WDR49: variants seen among roughly 807,000 people sequenced by gnomAD.
WDR49 encodes the protein WD repeat domain 49, also known as cilia- and flagella-associated protein 337.
WDR49 carries 107 observed loss-of-function variants against 119.5 expected under a neutral mutation model. The ratio of observed to expected loss-of-function variants is 0.90; its 90% confidence interval spans 0.77 to 1.05. The LOEUF is 1.05. Among genes scored for constraint, WDR49 ranks in the 50% least tolerant of loss-of-function variants. The probability of loss-of-function intolerance (pLI) is 0.00; values close to 1 mark genes in which losing one functional copy is unlikely to be tolerated. For synonymous variants in WDR49, 425 were observed against 418.8 expected (o/e 1.01, Z -0.18); for missense variants, 1,240 against 1,220.5 (o/e 1.02, Z -0.24).
At chr3:167,622,626 A>G (rs2108323335) in intron 3 of WDR49, among the ~76,000 whole-genome samples, 1 of 152,248 alleles carries the variant, frequency 6.6e-6, no homozygotes, top group South Asian at 2.1e-4. Flanking sequence ...ACAGTGGGAT[A>G]TTTCAATACT....
At chr3:167,551,386 C>T (rs921700387) in intron 10 of WDR49, among the ~76,000 whole-genome samples, 3 of 151,996 alleles carry the variant, frequency 2.0e-5, no homozygotes, top group Non-Finnish European at 2.9e-5. Flanking sequence ...TGTTAAGTTG[C>T]TACCACATGT....
intron 10 of WDR49, among the ~76,000 whole-genome samples, chr3:167,552,409 A>G (rs1401685732): frequency 1.3e-5 from 2 of 152,068 alleles, no homozygotes; most frequent in Non-Finnish European, 2.9e-5. Context: ...TTATACTAAT[A>G]CTGTTGTACA....
intron 2 of WDR49, among the ~76,000 whole-genome samples, chr3:167,643,327 T>C (rs1014784805): frequency 4.6e-5 from 7 of 152,064 alleles, no homozygotes. Context: ...TTTCCAAAAA[T>C]GGTGAAGATG....
rs776364447 is a variant in WDR49 at position 167,497,756 on chromosome 3, C to G, written c.3031+2397G>C. Among the ~76,000 whole-genome samples, 2 of 152,096 alleles carry G rather than the reference C, an allele frequency of 1.3e-5. 1 individual carries two copies. The highest frequency in any genetic ancestry group is 1.3e-4 in the Admixed American group (2 of 15,270). The stretch of plus-strand genomic sequence containing the variant: ...TCTTGGTTTCCTCCTGAATGCCTAC[C>G]CTGTATCTGGACTATCTTTACAACT... On this transcript the variant is annotated intron_variant, in intron 18 of 18. Transcript: ENST00000682715.
At chr3:167,522,001 G>GATAT (rs1560266161) in intron 16 of WDR49, among the ~76,000 whole-genome samples, 1 of 147,232 alleles carries the variant, frequency 6.8e-6, no homozygotes, top group Admixed American at 7.1e-5. Flanking sequence ...TAGATAGATA[G>GATAT]ATAGATAGAT....
intron 18 of WDR49, among the ~76,000 whole-genome samples, chr3:167,491,822 T>C (rs1277735972): frequency 6.6e-6 from 1 of 152,042 alleles, no homozygotes; most frequent in African/African-American, 2.4e-5. Context: ...GGGAGCAACT[T>C]GAAAGCTAAA....
chr3:167,551,734 T>C (rs1261668040), intron 10 of WDR49, among the ~76,000 whole-genome samples: 1 of 152,018 alleles, frequency 6.6e-6, no homozygotes, highest in Admixed American at 6.6e-5. Flanking sequence ...TGCCTCTCAC[T>C]AAGAATGTGA....
Position 167,529,296 on chromosome 3 carries a change from C to T in WDR49, c.2219-57G>A. On this transcript the variant is annotated intron_variant, in intron 13 of 18. Coordinates refer to ENST00000682715, the MANE Select transcript of WDR49 (RefSeq NM_001366157.1). ...ACTGAACAACAAATGCCAGAAATAACTTCTTCAGTGGCTTTCCCTGTGGAA... is the reference window on the plus strand; with the variant it reads ...ACTGAACAACAAATGCCAGAAATAATTTCTTCAGTGGCTTTCCCTGTGGAA... 3 of 1,471,244 alleles carry T rather than the reference C, an allele frequency of 2.0e-6. No individual in the cohort carries two copies. In the South Asian group the frequency reaches 4.3e-5, roughly 21 times the overall value. 91.1% of individuals were successfully genotyped at this position (1,471,244 alleles called of 1,614,324 possible).
At chr3:167,523,840 G>T (rs1362311026) in intron 15 of WDR49, among the ~76,000 whole-genome samples, 3 of 152,094 alleles carry the variant, frequency 2.0e-5, no homozygotes, top group Non-Finnish European at 4.4e-5. Flanking sequence ...ATTGTAAATA[G>T]TGCTGCAAAA....
At chr3:167,602,793 C>T (rs763331526) in intron 6 of WDR49, among the ~76,000 whole-genome samples, 13 of 152,104 alleles carry the variant, frequency 8.5e-5, no homozygotes, top group African/African-American at 2.7e-4. Flanking sequence ...ACAGCATATA[C>T]GAATATGGTC....
chr3:167,499,522 A>T (rs1299307055), intron 18 of WDR49, among the ~76,000 whole-genome samples: 2 of 152,154 alleles, frequency 1.3e-5, no homozygotes, highest in Non-Finnish European at 2.9e-5. Context: ...CTGTTCTTTC[A>T]CAGGACCCCT....
chr3:167,545,344 G>T (rs1175278038), intron 10 of WDR49, among the ~76,000 whole-genome samples: 4 of 151,058 alleles, frequency 2.6e-5, no homozygotes, highest in African/African-American at 9.7e-5. Context: ...CCCACTATGG[G>T]GTATCTCCCC....
chr3:167,554,641 C>A lies in WDR49; in HGVS notation c.1823+9G>T, dbSNP rs1249896671. On this transcript the variant is annotated intron_variant, in intron 10 of 18. Coordinates refer to ENST00000682715, the MANE Select transcript of WDR49 (RefSeq NM_001366157.1). ...ATTTTGATTAAAATAAAAACATTCTCCTTTTTACCTTCCTATAGTTTTCCA... is the reference window on the plus strand; with the variant it reads ...ATTTTGATTAAAATAAAAACATTCTACTTTTTACCTTCCTATAGTTTTCCA... The A allele has an allele frequency of 7.0e-7, 1 of 1,434,024 alleles. No individual in the cohort carries two copies. Among genetic ancestry groups the A allele is most frequent in the East Asian group, 2.3e-5 (1 of 43,346 alleles). 88.8% of individuals were successfully genotyped at this position (1,434,024 alleles called of 1,614,324 possible). A position where few individuals can be genotyped will look rare whatever the true frequency, so the allele number is the denominator to read the frequency against.
At chr3:167,631,525 G>T (rs897793757) in intron 2 of WDR49, among the ~76,000 whole-genome samples, 3 of 152,002 alleles carry the variant, frequency 2.0e-5, no homozygotes, top group African/African-American at 4.8e-5. Context: ...AGGCAAATTT[G>T]CAAGTATAAA....
At chr3:167,559,960 G>T in intron 9 of WDR49, 104 bp downstream of exon 9, 1 of 1,241,700 alleles carries the variant, frequency 8.1e-7, no homozygotes. Context: ...TTCTCTTCTT[G>T]CAATACCAAA....
intron 14 of WDR49, among the ~76,000 whole-genome samples, chr3:167,528,258 G>T (rs1752707127): frequency 6.6e-6 from 1 of 151,678 alleles, no homozygotes; most frequent in South Asian, 2.1e-4. Flanking sequence ...AGGAAGGAAA[G>T]AAAAATATAA....
Position 167,621,459 on chromosome 3 carries a change from T to G in WDR49, c.783+8A>C. ...CATAGTATTCAATCTTAATCTACCC[T>G]CACTTACCTTTCCAGTTATATCCCC... On this transcript the variant is annotated splice_region_variant and intron_variant, in intron 4 of 18. Coordinates refer to ENST00000682715, the MANE Select transcript of WDR49 (RefSeq NM_001366157.1). 3.9e-6 allele frequency: 6 copies of G among 1,521,352 alleles called. No homozygotes were observed. Among genetic ancestry groups the G allele is most frequent in the Non-Finnish European group, 5.3e-6 (6 of 1,139,288 alleles). 94.2% of individuals were successfully genotyped at this position (1,521,352 alleles called of 1,614,324 possible). A position where few individuals can be genotyped will look rare whatever the true frequency, so the allele number is the denominator to read the frequency against.
chr3:167,638,109 T>C lies in WDR49; in HGVS notation c.166-10817A>G, dbSNP rs539682504. Among the ~76,000 whole-genome samples the C allele has an allele frequency of 4.2e-4, 64 of 151,714 alleles. 1 individual carries two copies. Among genetic ancestry groups the C allele is most frequent in the African/African-American group, 1.5e-3 (62 of 41,510 alleles). ...AATAAGCATCACATTAACTTGTTTTTCCTAATTTTAAATGGAATATAGCCT... is the reference window on the plus strand; with the variant it reads ...AATAAGCATCACATTAACTTGTTTTCCCTAATTTTAAATGGAATATAGCCT... On this transcript the variant is annotated intron_variant, in intron 2 of 18. Coordinates refer to ENST00000682715, the MANE Select transcript of WDR49 (RefSeq NM_001366157.1).
chr3:167,522,683 A>C (rs899067070), intron 15 of WDR49, among the ~76,000 whole-genome samples, 199 bp from the exon 16 acceptor site: 5 of 152,170 alleles, frequency 3.3e-5, no homozygotes, highest in African/African-American at 1.2e-4. Flanking sequence ...ACTTTAATAA[A>C]GGTAGAAAAT....
Sources: gnomAD v4.1 joint callset for allele counts (sites outside exome capture counted in the v4.1 genomes callset) on GRCh38, gnomAD v4.1.1 for gene constraint, MANE v1.5 for transcripts, NCBI Gene and HGNC (gene_info 2026-07-23, HGNC 2026-07-21) for gene names.